Variants in ZNF678 observed in about 807,000 individuals in gnomAD.
ZNF678 encodes hypothetical protein MGC42493.
A neutral mutation model predicts 3.0 loss-of-function variants in ZNF678; 5 were observed. The ratio of observed to expected loss-of-function variants is 1.69; its 90% CI spans 0.88 to 3.56. ZNF678 has a LOEUF of 3.56. Ranked by LOEUF, ZNF678 falls within the 30% of genes most tolerant of loss-of-function variation. The probability of loss-of-function intolerance (pLI) is 0.00; values close to 1 mark genes in which losing one functional copy is unlikely to be tolerated. For missense variants in ZNF678, 593 were observed against 605.0 expected (o/e 0.98, Z 0.21); for synonymous variants, 218 against 199.6 (o/e 1.09, Z -0.78).
intron 1 of ZNF678, among the ~76,000 whole-genome samples, chr1:227,581,519 T>C (rs998561416): frequency 6.6e-6 from 1 of 152,196 alleles, no homozygotes; most frequent in Non-Finnish European, 1.5e-5. Flanking sequence ...TTATGAACTT[T>C]ATGGTCATAA....
intron 1 of ZNF678, among the ~76,000 whole-genome samples, chr1:227,627,953 C>G (rs1318806547): frequency 6.6e-6 from 1 of 152,220 alleles, no homozygotes; most frequent in African/African-American, 2.4e-5. Context: ...ATCTTTTCTT[C>G]ATTGTCTGGA....
chr1:227,591,569 T>A (rs1657414343), intron 1 of ZNF678, among the ~76,000 whole-genome samples: 1 of 152,198 alleles, frequency 6.6e-6, no homozygotes, highest in South Asian at 2.1e-4. Context: ...ACCTCTTTTT[T>A]TTCTGTTTTG....
At chr1:227,605,088 C>T (rs888986427) in intron 1 of ZNF678, among the ~76,000 whole-genome samples, 3 of 152,186 alleles carry the variant, frequency 2.0e-5, no homozygotes, top group Admixed American at 1.3e-4. Flanking sequence ...AGCTCCTGAC[C>T]TTGGGATCCG....
At chr1:227,604,325 T>C (rs1249987997) in intron 1 of ZNF678, among the ~76,000 whole-genome samples, 1 of 152,234 alleles carries the variant, frequency 6.6e-6, no homozygotes, top group Non-Finnish European at 1.5e-5. Flanking sequence ...TGTTTACATC[T>C]CTGCCAATGC....
downstream of ZNF678, among the ~76,000 whole-genome samples, chr1:227,667,045 TCTC>T (rs1235862974): frequency 5.3e-5 from 8 of 151,066 alleles, no homozygotes; most frequent in Admixed American, 2.0e-4. Flanking sequence ...GCACCCGGCC[TCTC>T]CTCTTTTTTT....
intron 1 of ZNF678, among the ~76,000 whole-genome samples, chr1:227,587,438 AGTCTTT>A (rs1657290757): frequency 2.0e-5 from 3 of 152,136 alleles, no homozygotes; most frequent in Non-Finnish European, 2.9e-5. Context: ...GTACTTTCAG[AGTCTTT>A]AGACTGATGC....
At chr1:227,611,963 G>A (rs1387516603) in intron 1 of ZNF678, among the ~76,000 whole-genome samples, 1 of 152,192 alleles carries the variant, frequency 6.6e-6, no homozygotes, top group Non-Finnish European at 1.5e-5. Context: ...GGAGTTTCAG[G>A]TGTTTCTGTA....
chr1:227,636,288 G>A (rs973119546), intron 1 of ZNF678, among the ~76,000 whole-genome samples: 19 of 152,140 alleles, frequency 1.2e-4, no homozygotes, highest in Non-Finnish European at 1.8e-4. Flanking sequence ...TGTTTGAAGC[G>A]ATTTCTAGAA....
At chr1:227,627,135 C>G (rs1245558319) in intron 1 of ZNF678, among the ~76,000 whole-genome samples, 1 of 150,992 alleles carries the variant, frequency 6.6e-6, no homozygotes, top group Non-Finnish European at 1.5e-5. Context: ...CAGGCCCTAA[C>G]TGTCTGCTTG....
At chr1:227,611,588 C>T (rs1658022013) in intron 1 of ZNF678, among the ~76,000 whole-genome samples, 2 of 152,126 alleles carry the variant, frequency 1.3e-5, no homozygotes, top group Non-Finnish European at 2.9e-5. Flanking sequence ...TAAGAGCTGC[C>T]CAGTGGTTAG....
chr1:227,578,698 A>G (rs1657047240), intron 1 of ZNF678, among the ~76,000 whole-genome samples: 2 of 152,240 alleles, frequency 1.3e-5, no homozygotes, highest in Non-Finnish European at 2.9e-5. Context: ...CCCATAGCTC[A>G]GATGATCTTC....
intron 1 of ZNF678, among the ~76,000 whole-genome samples, chr1:227,609,858 T>A (rs1182449716): frequency 6.6e-6 from 1 of 152,010 alleles, no homozygotes; most frequent in Non-Finnish European, 1.5e-5. Flanking sequence ...CTCAGCCTCC[T>A]GAGTAGCTGG....
At chr1:227,608,493 AAC>A (rs1323951462) in intron 1 of ZNF678, among the ~76,000 whole-genome samples, 1 of 152,226 alleles carries the variant, frequency 6.6e-6, no homozygotes, top group African/African-American at 2.4e-5. Flanking sequence ...AAATTTCTTA[AAC>A]ACATAAAATT....
In ZNF678 at chr1:227,657,949, A is replaced by G. The variant is rs1242533528; in HGVS notation, c.*2121A>G. The G allele has an allele frequency of 1.3e-5, 2 of 151,982 alleles. No individual in the cohort carries two copies. Among genetic ancestry groups the G allele is most frequent in the Non-Finnish European group, 2.9e-5 (2 of 67,910 alleles). 9.4% of individuals were successfully genotyped at this position (151,982 alleles called of 1,614,324 possible). On this transcript the variant is annotated 3_prime_UTR_variant, in exon 4 of 4. Coordinates refer to ENST00000343776, the MANE Select transcript of ZNF678 (RefSeq NM_001367909.1). ...CCTGTTTTTTTCTTGTCTGTTGATC[A>G]TACTAAACCTAATGTATAGTTTTCT... is the stretch of plus-strand genomic sequence containing the variant.
intron 1 of ZNF678, among the ~76,000 whole-genome samples, chr1:227,626,070 G>T (rs1658405004): frequency 6.6e-6 from 1 of 152,172 alleles, no homozygotes; most frequent in South Asian, 2.1e-4. Context: ...CCTGCTGGTA[G>T]TACAGCAGTA....
At chr1:227,566,872 G>A (rs1656702303) in intron 1 of ZNF678, among the ~76,000 whole-genome samples, 1 of 145,242 alleles carries the variant, frequency 6.9e-6, no homozygotes, top group Non-Finnish European at 1.5e-5. Context: ...TTTTAAGGGT[G>A]ATTTCAAACA....
At chr1:227,625,715 A>T (rs559286168) in intron 1 of ZNF678, among the ~76,000 whole-genome samples, 2 of 152,144 alleles carry the variant, frequency 1.3e-5, no homozygotes, top group South Asian at 4.2e-4. Flanking sequence ...TAGTTTTGAG[A>T]GGTCTAGTCC....
rs193173181 is a variant in ZNF678, at chr1:227,662,090, T to A, written c.*6262T>A. ...AAGGTTCTAGGCTTCCGAAGTAAAA[T>A]TGGATGTGGAGGTTGGGGATTGATT... On this transcript the variant is annotated 3_prime_UTR_variant, in exon 4 of 4. Transcript: ENST00000343776. The A allele has an allele frequency of 6.6e-6, 1 of 152,284 alleles. No individual in the cohort carries two copies. Among genetic ancestry groups the A allele is most frequent in the Non-Finnish European group, 1.5e-5 (1 of 68,038 alleles). The allele number at this position is 152,284 out of a possible 1,614,324, so 9.4% of individuals were successfully genotyped here.
intron 5 of ZNF678, among the ~76,000 whole-genome samples, chr1:227,676,784 T>C (rs1000936590): frequency 6.6e-6 from 1 of 151,818 alleles, no homozygotes; most frequent in Non-Finnish European, 1.5e-5. Context: ...TGGTTTTCTG[T>C]CCTTGCGATA....
Sources: allele counts gnomAD v4.1 joint callset (sites outside exome capture counted in the v4.1 genomes callset), GRCh38; gene constraint gnomAD v4.1.1; transcripts MANE v1.5; gene names NCBI Gene and HGNC (gene_info 2026-07-23, HGNC 2026-07-21).